The following CCL22 variants were observed in gnomAD, a reference collection of about 807,000 sequenced individuals.
The protein encoded by CCL22 is C-C motif chemokine ligand 22, also known as C-C motif chemokine 22.
CCL22 carries 7 observed loss-of-function variants against 7.6 expected under a neutral mutation model. The ratio of observed to expected loss-of-function variants is 0.92; its 90% CI spans 0.52 to 1.72. The LOEUF is 1.72. CCL22 is among the 40% of genes most tolerant of loss of function. The pLI is 0.00. For synonymous variants in CCL22, 55 were observed against 47.2 expected (o/e 1.17, Z -0.68); for missense variants, 115 against 124.7 (o/e 0.92, Z 0.37).
rs1007379596 is a variant in CCL22, at chr16:57,364,320, G to A, written c.*732G>A. 1.3e-5 allele frequency: 2 copies of A among 152,230 alleles called. No individual in the cohort carries two copies. Among genetic ancestry groups the A allele is most frequent in the Non-Finnish European group, 2.9e-5 (2 of 68,104 alleles). 9.4% of individuals were successfully genotyped at this position (152,230 alleles called of 1,614,324 possible). On this transcript the variant is annotated 3_prime_UTR_variant, in exon 3 of 3. Coordinates refer to ENST00000219235, the MANE Select transcript of CCL22 (RefSeq NM_002990.5). ...CTGGCTCAGAATCAGAGCCCAGAAA[G>A]TGGCTGCAGACAAAATCAATAAAAC...
intron 2 of CCL22, among the ~76,000 whole-genome samples, chr16:57,362,636 G>A (rs1286770873): frequency 2.6e-5 from 4 of 152,110 alleles, no homozygotes; most frequent in African/African-American, 9.7e-5. Flanking sequence ...GAGACAGGCA[G>A]GATCACTTGA....
At position 57,360,464 on chromosome 16, in the gene CCL22, G is replaced by A; in HGVS notation, c.101G>A (p.Ser34Asn). ...AGPYGANMED[S>N]VCCRDYVRYR... The stretch of plus-strand genomic sequence containing the variant: ...CCCTACGGCGCCAACATGGAAGACA[G>A]CGTCTGCTGCCGTGATTACGTCCGT... Residue 34 changes from serine to asparagine, a missense_variant, in exon 2 of 3, where the codon AGC becomes AAC. Transcript: ENST00000219235. 6.2e-7 allele frequency: 1 copy of A among 1,614,256 alleles called. No individual in the cohort carries two copies. Among genetic ancestry groups the A allele is most frequent in the Non-Finnish European group, 8.5e-7 (1 of 1,180,040 alleles).
intron 2 of CCL22, among the ~76,000 whole-genome samples, chr16:57,361,471 C>CT (rs1902049376): frequency 6.6e-6 from 1 of 152,144 alleles, no homozygotes; most frequent in Admixed American, 6.5e-5. Context: ...TTCAACGATT[C>CT]CCATGGTAGA....
At position 57,363,787 on chromosome 16, in the gene CCL22, T is replaced by C. The variant is rs947373511; in HGVS notation, c.*199T>C. ...CCCCTGACCCCTCTAACCCATCCTC[T>C]GCCTCCCTCCCTGCAGTCAGAGGGT... On this transcript the variant is annotated 3_prime_UTR_variant, in exon 3 of 3. Coordinates refer to ENST00000219235, the MANE Select transcript of CCL22 (RefSeq NM_002990.5). The C allele has an allele frequency of 1.6e-5, 9 of 571,168 alleles. No individual in the cohort carries two copies. The highest frequency in any genetic ancestry group is 1.5e-4 in the African/African-American group (8 of 53,166). 35.4% of individuals were successfully genotyped at this position (571,168 alleles called of 1,614,324 possible). A position where few individuals can be genotyped will look rare whatever the true frequency, so the allele number is the denominator to read the frequency against.
At chr16:57,360,672 G>GGTAGCC in intron 2 of CCL22, 112 bp downstream of exon 2, 1 of 1,272,450 alleles carries the variant, frequency 7.9e-7, no homozygotes. Context: ...ATGTGGCAGG[G>GGTAGCC]CTACCAGATG....
chr16:57,361,942 T>C (rs1403265506), intron 2 of CCL22, among the ~76,000 whole-genome samples: 1 of 152,194 alleles, frequency 6.6e-6, no homozygotes, highest in Non-Finnish European at 1.5e-5. Context: ...TATAATGAAG[T>C]AATAACCTAA....
intron 2 of CCL22, among the ~76,000 whole-genome samples, chr16:57,362,170 G>A (rs1902056305): frequency 6.6e-6 from 1 of 152,160 alleles, no homozygotes; most frequent in African/African-American, 2.4e-5. Context: ...GTAAGAGGAA[G>A]GTGAAGAGCT....
intron 2 of CCL22, among the ~76,000 whole-genome samples, chr16:57,360,823 G>A (rs1289229561): frequency 2.0e-5 from 3 of 152,244 alleles, no homozygotes; most frequent in Non-Finnish European, 4.4e-5. Flanking sequence ...AGGATGCAGA[G>A]CTGAGTGAAC....
chr16:57,358,972 GA>G, intron 1 of CCL22, 83 bp downstream of exon 1: 1 of 1,090,148 alleles, frequency 9.2e-7, no homozygotes, highest in East Asian at 2.4e-5. Flanking sequence ...ACAAGCACTG[GA>G]CCAAGAGCAG....
chr16:57,363,544 A>G lies in CCL22; in HGVS notation c.238A>G (p.Arg80Gly), dbSNP rs770485735. The change falls in exon 3 of 3, where the codon AGA becomes GGA. Residue 80 changes from arginine (R) to glycine (G), a missense_variant. Coordinates refer to ENST00000219235, the MANE Select transcript of CCL22 (RefSeq NM_002990.5). ...GGATAAGGAGATCTGTGCCGATCCC[A>G]GAGTGCCCTGGGTGAAGATGATTCT... is the stretch of plus-strand genomic sequence containing the variant. The part of the protein sequence containing the change: ...FRDKEICADP[R>G]VPWVKMILNK... The G allele has an allele frequency of 6.2e-7, 1 of 1,613,858 alleles. No individual in the cohort carries two copies. The highest frequency in any genetic ancestry group is 1.7e-5 in the Admixed American group (1 of 60,008).
intron 2 of CCL22, among the ~76,000 whole-genome samples, chr16:57,361,453 C>T (rs188492418): frequency 2.0e-4 from 31 of 152,194 alleles, no homozygotes; most frequent in Middle Eastern, 6.8e-3. Context: ...AACAATCCTA[C>T]GAGGAAGTTC....
At chr16:57,358,548 G>A (rs1902013237), upstream of CCL22, among the ~76,000 whole-genome samples, 2 of 152,216 alleles carry the variant, frequency 1.3e-5, no homozygotes, top group Admixed American at 1.3e-4. Flanking sequence ...GCCTCTAAGA[G>A]GGGGATTTTA....
upstream of CCL22, among the ~76,000 whole-genome samples, chr16:57,358,275 T>C (rs1244353065): frequency 6.6e-6 from 1 of 152,198 alleles, no homozygotes; most frequent in East Asian, 1.9e-4. Flanking sequence ...CTGGCCCAAA[T>C]GTGGACTTCA....
At chr16:57,363,312 C>A (rs1310216623) in intron 2 of CCL22, among the ~76,000 whole-genome samples, 192 bp from the exon 3 acceptor site, 1 of 152,146 alleles carries the variant, frequency 6.6e-6, no homozygotes, top group Non-Finnish European at 1.5e-5. Flanking sequence ...GAGAAATATT[C>A]TTTTCACACC....
chr16:57,363,400 C>T lies in CCL22; in HGVS notation c.198-104C>T, dbSNP rs143575565. 6,056 of 698,108 alleles carry T rather than the reference C, an allele frequency of 8.7e-3. 109 individuals carry two copies. Among genetic ancestry groups the T allele is most frequent in the Middle Eastern group, 0.051 (208 of 4,078 alleles). The allele number at this position is 698,108 out of a possible 1,614,324, so 43.2% of individuals were successfully genotyped here. A position where few individuals can be genotyped will look rare whatever the true frequency, so the allele number is the denominator to read the frequency against. ...TAGTAGGTGACTCATAAATGCTGAG[C>T]CCTGCATAAAGTAGGTGGCTCATAA... On this transcript the variant is annotated intron_variant, in intron 2 of 2. Coordinates refer to ENST00000219235, the MANE Select transcript of CCL22 (RefSeq NM_002990.5).
intron 1 of CCL22, among the ~76,000 whole-genome samples, chr16:57,359,906 T>A (rs1264911724): frequency 6.6e-6 from 1 of 152,216 alleles, no homozygotes; most frequent in Admixed American, 6.5e-5. Flanking sequence ...GTGTTAGGAT[T>A]ACAGGCGTGA....
At chr16:57,361,723 C>A (rs1368198641) in intron 2 of CCL22, among the ~76,000 whole-genome samples, 1 of 152,224 alleles carries the variant, frequency 6.6e-6, no homozygotes, top group African/African-American at 2.4e-5. Context: ...CTGCTCAGAG[C>A]CTGCTGCCTA....
intron 2 of CCL22, among the ~76,000 whole-genome samples, chr16:57,362,435 G>A (rs1228210428): frequency 1.3e-5 from 2 of 152,086 alleles, no homozygotes; most frequent in African/African-American, 4.8e-5. Flanking sequence ...AGCCTCAATA[G>A]AGTGAGACCC....
upstream of CCL22, among the ~76,000 whole-genome samples, chr16:57,358,085 G>A (rs1902007002): frequency 6.6e-6 from 1 of 152,196 alleles, no homozygotes; most frequent in East Asian, 1.9e-4. Flanking sequence ...GGAACAGTGG[G>A]GTTGGAGAGA....
Sources: gnomAD v4.1 joint callset for allele counts (sites outside exome capture counted in the v4.1 genomes callset) on GRCh38, gnomAD v4.1.1 for gene constraint, MANE v1.5 for transcripts, NCBI Gene and HGNC (gene_info 2026-07-23, HGNC 2026-07-21) for gene names.